Variants in HMGN2 observed in about 807,000 individuals in gnomAD.
HMGN2 encodes the protein high mobility group nucleosomal binding domain 2, also known as non-histone chromosomal protein HMG-17.
Under a neutral mutation model 16.9 loss-of-function variants are expected in HMGN2, and 2 were observed. The ratio of observed to expected loss-of-function variants is 0.12; its 90% confidence interval spans 0.05 to 0.37. The LOEUF is 0.37. Ranked by LOEUF, HMGN2 falls within the 10% of genes least tolerant of loss-of-function variation. The pLI is 1.00. For synonymous variants in HMGN2, 31 were observed against 34.9 expected (o/e 0.89, Z 0.39); for missense variants, 90 against 106.0 (o/e 0.85, Z 0.66).
chr1:26,476,589 C>T lies in HMGN2; in HGVS notation c.*1441C>T, dbSNP rs972632485. Among the ~76,000 whole-genome samples, 3 of 152,182 alleles carry T rather than the reference C, an allele frequency of 2.0e-5. No homozygotes were observed. In the East Asian group the frequency reaches 5.8e-4, roughly 29 times the overall value. On this transcript the variant is annotated 3_prime_UTR_variant, in exon 6 of 6. Transcript: ENST00000361427. Reference sequence around the variant, plus strand: ...AATTCATGTTTGCACCTTGAATTTGCTTTCACAGACCTGGCTGTATTGTTG... The same window carrying T: ...AATTCATGTTTGCACCTTGAATTTGTTTTCACAGACCTGGCTGTATTGTTG...
chr1:26,472,663 A>T, intron 1 of HMGN2, 36 bp downstream of exon 1: 1 of 1,505,814 alleles, frequency 6.6e-7, no homozygotes, highest in Non-Finnish European at 8.9e-7. Flanking sequence ...CCGGGCCACC[A>T]CTGCCGCCAC....
At chr1:26,473,417 C>G in intron 1 of HMGN2, 66 bp from the exon 2 acceptor site, 1 of 1,179,948 alleles carries the variant, frequency 8.5e-7, no homozygotes, top group Non-Finnish European at 1.3e-6. Context: ...TTTTAGCACT[C>G]TAAAGTTTGG....
chr1:26,475,914 A>G lies in HMGN2; in HGVS notation c.*766A>G, dbSNP rs1340471906. The G allele has an allele frequency of 4.2e-6, 1 of 235,974 alleles. No homozygotes were observed. Among genetic ancestry groups the G allele is most frequent in the African/African-American group, 2.4e-5 (1 of 42,408 alleles). The allele number at this position is 235,974 out of a possible 1,614,324, so 14.6% of individuals were successfully genotyped here. ...ATTGTCTGCCCATGTCCTGCCTGAA[A>G]TACCATGATTGTTTATGGAAAGTAT... On this transcript the variant is annotated 3_prime_UTR_variant, in exon 6 of 6. Coordinates refer to ENST00000361427, the MANE Select transcript of HMGN2 (RefSeq NM_005517.4).
intron 4 of HMGN2, 40 bp from the exon 5 acceptor site, chr1:26,474,532 G>A: frequency 1.0e-6 from 1 of 959,056 alleles, no homozygotes; most frequent in South Asian, 1.4e-5. Context: ...TTGGTAATAC[G>A]AAATGGGGAG....
In HMGN2 at chr1:26,476,175, G is replaced by T. The variant is rs1222375444; in HGVS notation, c.*1027G>T. ...GACTTAGCTGATGGTGAAAGGCTGG[G>T]AGTATGGAGTGATTTCTGTACTTGG... On this transcript the variant is annotated 3_prime_UTR_variant, in exon 6 of 6. Transcript: ENST00000361427. Among the ~76,000 whole-genome samples the T allele has an allele frequency of 1.3e-5, 2 of 152,204 alleles. No individual in the cohort carries two copies. Among genetic ancestry groups the T allele is most frequent in the Non-Finnish European group, 2.9e-5 (2 of 68,036 alleles).
intron 5 of HMGN2, chr1:26,474,905 G>T (rs1026906216): frequency 8.2e-6 from 5 of 608,668 alleles, no homozygotes; most frequent in Non-Finnish European, 1.5e-5. Context: ...TCTTATTCTG[G>T]TGTTCTTCCT....
intron 1 of HMGN2, among the ~76,000 whole-genome samples, 164 bp downstream of exon 1, chr1:26,472,791 G>A (rs1193364835): frequency 6.6e-6 from 1 of 151,578 alleles, no homozygotes; most frequent in Non-Finnish European, 1.5e-5. Context: ...ACCCTGAGCG[G>A]CTCGGCTGCC....
intron 4 of HMGN2, 61 bp from the exon 5 acceptor site, chr1:26,474,511 C>T (rs2075595561): frequency 5.0e-6 from 4 of 806,444 alleles, no homozygotes; most frequent in Non-Finnish European, 6.4e-6. Context: ...CAGAACTTTG[C>T]AGACCATACC....
chr1:26,473,659 C>T (rs2075590433), intron 2 of HMGN2, 44 bp from the exon 3 acceptor site: 7 of 1,606,994 alleles, frequency 4.4e-6, no homozygotes, highest in South Asian at 1.1e-5. Flanking sequence ...ACTTTCAAAG[C>T]GACTTACCTG....
chr1:26,473,563 A>G (rs1399532317), intron 2 of HMGN2, 36 bp downstream of exon 2: 6 of 1,586,204 alleles, frequency 3.8e-6, no homozygotes, highest in Non-Finnish European at 4.3e-6. Flanking sequence ...AAAGCCTTGG[A>G]CTAGCAGAGG....
At position 26,473,534 on chromosome 1, in the gene HMGN2, C is replaced by T; in HGVS notation, c.60+7C>T. The T allele has an allele frequency of 1.2e-6, 2 of 1,610,154 alleles. No individual in the cohort carries two copies. The highest frequency in any genetic ancestry group is 1.3e-5 in the African/African-American group (1 of 74,962). Reference sequence around the variant, plus strand: ...AGCAAAGGTGAAGGACGAAGTAAGTCATTCTCTCTTCAAGGGTCAAAGCCT... The same window carrying T: ...AGCAAAGGTGAAGGACGAAGTAAGTTATTCTCTCTTCAAGGGTCAAAGCCT... On this transcript the variant is annotated splice_region_variant and intron_variant, in intron 2 of 5. Transcript: ENST00000361427.
rs1294960350 is a variant in HMGN2, at chr1:26,472,643, G to A, written c.15+16G>A. On this transcript the variant is annotated intron_variant, in intron 1 of 5. Coordinates refer to ENST00000361427, the MANE Select transcript of HMGN2 (RefSeq NM_005517.4). ...CAAGAGAAAGGTACGTGGCGCGAGG[G>A]CCCCAGGCGCCGGGCCACCACTGCC... 2.0e-6 allele frequency: 3 copies of A among 1,528,196 alleles called. No individual in the cohort carries two copies. The highest frequency in any genetic ancestry group is 1.4e-5 in the African/African-American group (1 of 71,954). The allele number at this position is 1,528,196 out of a possible 1,614,324, so 94.7% of individuals were successfully genotyped here.
intron 2 of HMGN2, 36 bp from the exon 3 acceptor site, chr1:26,473,667 C>T (rs1368785167): frequency 1.9e-6 from 3 of 1,611,348 alleles, no homozygotes; most frequent in Non-Finnish European, 2.5e-6. Context: ...AGCGACTTAC[C>T]TGTCCTATTT....
chr1:26,475,036 G>T, intron 5 of HMGN2, 77 bp from the exon 6 acceptor site: 1 of 1,209,382 alleles, frequency 8.3e-7, no homozygotes, highest in Non-Finnish European at 1.2e-6. Flanking sequence ...TGGGAGCAAA[G>T]TGATGCTGTA....
chr1:26,474,558 T>C lies in HMGN2; in HGVS notation c.142-14T>C. On this transcript the variant is annotated splice_polypyrimidine_tract_variant and intron_variant, in intron 4 of 5. Coordinates refer to ENST00000361427, the MANE Select transcript of HMGN2 (RefSeq NM_005517.4). ...AAATGGGGAGAAACAGTTCTATTTT[T>C]TCCCCTTTTTCAGAAGGGAGAGAAG... 7.8e-7 allele frequency: 1 copy of C among 1,286,650 alleles called. No individual in the cohort carries two copies. Among genetic ancestry groups the C allele is most frequent in the Non-Finnish European group, 1.1e-6 (1 of 888,416 alleles). The allele number at this position is 1,286,650 out of a possible 1,614,324, so 79.7% of individuals were successfully genotyped here.
chr1:26,475,606 C>T lies in HMGN2; in HGVS notation c.*458C>T, dbSNP rs536928022. On this transcript the variant is annotated 3_prime_UTR_variant, in exon 6 of 6. Coordinates refer to ENST00000361427, the MANE Select transcript of HMGN2 (RefSeq NM_005517.4). Reference sequence around the variant, plus strand: ...CAGTGTGTCAGGCAATCTGGACTTTCCAGTGATGCCACTGAGATGGCACCT... The same window carrying T: ...CAGTGTGTCAGGCAATCTGGACTTTTCAGTGATGCCACTGAGATGGCACCT... 28 of 316,244 alleles carry T rather than the reference C, an allele frequency of 8.9e-5. No homozygotes were observed. Among genetic ancestry groups the T allele is most frequent in the South Asian group, 3.5e-4 (14 of 40,128 alleles). The allele number at this position is 316,244 out of a possible 1,614,324, so 19.6% of individuals were successfully genotyped here. A position where few individuals can be genotyped will look rare whatever the true frequency, so the allele number is the denominator to read the frequency against.
Position 26,476,028 on chromosome 1 carries a change from G to T in HMGN2, c.*880G>T. 1 of 278,482 alleles carries T rather than the reference G, an allele frequency of 3.6e-6. No individual in the cohort carries two copies. The allele number at this position is 278,482 out of a possible 1,614,324, so 17.3% of individuals were successfully genotyped here. A position where few individuals can be genotyped will look rare whatever the true frequency, so the allele number is the denominator to read the frequency against. ...GTAACCTGGTTTATCCAAGTCTCTT[G>T]GAACAGGGTACGTTCTGCTTTGAGG... On this transcript the variant is annotated 3_prime_UTR_variant, in exon 6 of 6. Coordinates refer to ENST00000361427, the MANE Select transcript of HMGN2 (RefSeq NM_005517.4).
At chr1:26,473,342 A>G (rs1247774451) in intron 1 of HMGN2, 141 bp from the exon 2 acceptor site, 2 of 644,926 alleles carry the variant, frequency 3.1e-6, no homozygotes, top group Admixed American at 2.7e-5. Flanking sequence ...TCGTTCTTAT[A>G]CGAACGTCGG....
At chr1:26,472,681 G>A in intron 1 of HMGN2, 54 bp downstream of exon 1, 1 of 1,465,232 alleles carries the variant, frequency 6.8e-7, no homozygotes, top group Non-Finnish European at 9.1e-7. Flanking sequence ...CACCGCCGCC[G>A]CCGCCTCCCT....
Sources: gnomAD v4.1 joint callset for allele counts (sites outside exome capture counted in the v4.1 genomes callset) on GRCh38, gnomAD v4.1.1 for gene constraint, MANE v1.5 for transcripts, NCBI Gene and HGNC (gene_info 2026-07-23, HGNC 2026-07-21) for gene names.